APOM: variants seen among roughly 807,000 people sequenced by gnomAD.
The protein encoded by APOM is NG20-like protein.
Under a neutral mutation model 23.5 loss-of-function variants are expected in APOM, and 24 were observed. The observed-to-expected ratio is 1.02, with a 90% CI of 0.74 to 1.44. The LOEUF (loss-of-function observed/expected upper bound fraction) is 1.44, where lower values mean the gene tolerates loss of function less well. Ranked by LOEUF, APOM falls within the 40% of genes most tolerant of loss-of-function variation. The pLI is 0.00. For missense variants in APOM, 200 were observed against 233.2 expected, an observed-to-expected ratio of 0.86 and a Z score of 0.93; for synonymous variants, 82 against 84.1, an observed-to-expected ratio of 0.97 and a Z score of 0.14.
chr6:31,657,025 A>G (rs968801571), intron 2 of APOM, among the ~76,000 whole-genome samples, 200 bp from the exon 3 acceptor site: 17 of 152,124 alleles, frequency 1.1e-4, no homozygotes, highest in African/African-American at 3.9e-4. Context: ...GGGCACCTGT[A>G]GTCCCAGCTA....
At chr6:31,657,597 C>T in intron 4 of APOM, 28 bp from the exon 5 acceptor site, 3 of 1,606,814 alleles carry the variant, frequency 1.9e-6, no homozygotes, top group Non-Finnish European at 2.6e-6. Context: ...GGGGTTTTGA[C>T]TGGCCTGACC....
chr6:31,657,727 A>T lies in APOM; in HGVS notation c.541+4A>T. On this transcript the variant is annotated splice_donor_region_variant and intron_variant, in intron 5 of 5. Transcript: ENST00000375916. ...TTATTGACTCCTAGGAATCAAGGTAAGGGGTTAAAATCTCATAAAACAGGA... is the reference window on the plus strand; with the variant it reads ...TTATTGACTCCTAGGAATCAAGGTATGGGGTTAAAATCTCATAAAACAGGA... 6.2e-7 allele frequency: 1 copy of T among 1,608,876 alleles called. No individual in the cohort carries two copies. The highest frequency in any genetic ancestry group is 1.1e-5 in the South Asian group (1 of 90,992).
At chr6:31,655,115 A>AC (rs998173296), upstream of APOM, among the ~76,000 whole-genome samples, 1 of 152,160 alleles carries the variant, frequency 6.6e-6, no homozygotes, top group African/African-American at 2.4e-5. Flanking sequence ...TAATTTTTGT[A>AC]TTTTTTGTAG....
chr6:31,656,979 T>C (rs1178810836), intron 2 of APOM, among the ~76,000 whole-genome samples: 1 of 152,024 alleles, frequency 6.6e-6, no homozygotes, highest in Non-Finnish European at 1.5e-5. Context: ...ACCCCGTCTC[T>C]ACTAAAAATA....
At chr6:31,658,037 C>T in intron 5 of APOM, 27 bp from the exon 6 acceptor site, 1 of 1,613,974 alleles carries the variant, frequency 6.2e-7, no homozygotes. Flanking sequence ...TCCCTTCTGT[C>T]CTTCTTTTTC....
chr6:31,656,184 G>T, intron 1 of APOM, 104 bp downstream of exon 1: 2 of 931,194 alleles, frequency 2.1e-6, no homozygotes, highest in South Asian at 3.0e-5. Flanking sequence ...GAGAGGAAGG[G>T]GGTGTGAGTG....
Position 31,656,020 on chromosome 6 carries a change from C to T in APOM, c.54C>T (p.Asn18=). 2 of 1,598,182 alleles carry T rather than the reference C, an allele frequency of 1.3e-6. No homozygotes were observed. The highest frequency in any genetic ancestry group is 1.3e-5 in the African/African-American group (1 of 74,858). Reference sequence around the variant, plus strand: ...TCTACTTCTATGGTATTATCCTTAACTCCATCTACCAGTGCCCTGAGCACA... The same window carrying T: ...TCTACTTCTATGGTATTATCCTTAATTCCATCTACCAGTGCCCTGAGCACA... ...ALLYFYGIIL[N]SIYQCPEHSQ... The change falls in exon 1 of 6, where the codon AAC becomes AAT. Residue 18 remains asparagine, a synonymous_variant. Transcript: ENST00000375916.
intron 5 of APOM, 24 bp from the exon 6 acceptor site, chr6:31,658,040 T>C: frequency 3.1e-6 from 5 of 1,614,056 alleles, no homozygotes; most frequent in East Asian, 2.2e-5. Flanking sequence ...CTTCTGTCCT[T>C]CTTTTTCCCT....
upstream of APOM, chr6:31,652,459 AT>A (rs1402738980): frequency 6.6e-6 from 1 of 151,424 alleles, no homozygotes; most frequent in East Asian, 1.9e-4. Context: ...CCCCGATAGT[AT>A]TTGGGGATCT....
intron 1 of APOM, 67 bp from the exon 2 acceptor site, chr6:31,656,405 G>T: frequency 6.5e-7 from 1 of 1,531,562 alleles, no homozygotes; most frequent in Non-Finnish European, 8.9e-7. Flanking sequence ...TGTTTTGACT[G>T]ATGAAGAGGT....
At chr6:31,657,598 T>A in intron 4 of APOM, 27 bp from the exon 5 acceptor site, 2 of 1,606,966 alleles carry the variant, frequency 1.2e-6, no homozygotes, top group Non-Finnish European at 1.7e-6. Flanking sequence ...GGGTTTTGAC[T>A]GGCCTGACCC....
At chr6:31,657,526 G>C (rs1266558303) in intron 4 of APOM, 48 bp downstream of exon 4, 1 of 1,604,940 alleles carries the variant, frequency 6.2e-7, no homozygotes, top group Non-Finnish European at 8.5e-7. Context: ...ACAAGGGAGG[G>C]CAGGAGAACT....
chr6:31,653,179 T>C (rs930474151), upstream of APOM, among the ~76,000 whole-genome samples: 2 of 152,188 alleles, frequency 1.3e-5, no homozygotes, highest in Non-Finnish European at 2.9e-5. Flanking sequence ...GTTGCACGAC[T>C]TGTCAAGAAA....
rs748212498 is a variant in APOM, at chr6:31,656,036, C to A, written c.70C>A (p.Pro24Thr). ...TATCCTTAACTCCATCTACCAGTGCCCTGAGCACAGTCAACTGACAACTCT... is the reference window on the plus strand; with the variant it reads ...TATCCTTAACTCCATCTACCAGTGCACTGAGCACAGTCAACTGACAACTCT... ...GIILNSIYQC[P>T]EHSQLTTLGV... The change falls in exon 1 of 6, where the codon CCT becomes ACT. Residue 24 changes from proline (P) to threonine (T), a missense_variant. Pro to Thr is a conservative substitution (Grantham distance 38). Transcript: ENST00000375916. 3 of 1,589,776 alleles carry A rather than the reference C, an allele frequency of 1.9e-6. No homozygotes were observed. The highest frequency in any genetic ancestry group is 1.8e-5 in the Admixed American group (1 of 56,366).
chr6:31,657,616 C>G lies in APOM; in HGVS notation c.443-9C>G. The stretch of plus-strand genomic sequence containing the variant: ...TTTTGACTGGCCTGACCCCACCTTG[C>G]CCTTCCAGATCGCTCACCACATCCT... On this transcript the variant is annotated splice_polypyrimidine_tract_variant and intron_variant, in intron 4 of 5. Coordinates refer to ENST00000375916, the MANE Select transcript of APOM (RefSeq NM_019101.3). 1.2e-6 allele frequency: 2 copies of G among 1,612,002 alleles called. No homozygotes were observed. The highest frequency in any genetic ancestry group is 1.7e-6 in the Non-Finnish European group (2 of 1,179,168).
chr6:31,653,687 A>G (rs1799367091), upstream of APOM, among the ~76,000 whole-genome samples: 3 of 152,074 alleles, frequency 2.0e-5, no homozygotes, highest in Admixed American at 2.0e-4. Flanking sequence ...TTAACATTTT[A>G]GCTTATTTTT....
upstream of APOM, among the ~76,000 whole-genome samples, chr6:31,654,755 G>A (rs1264769628): frequency 6.6e-6 from 1 of 152,174 alleles, no homozygotes; most frequent in Non-Finnish European, 1.5e-5. Flanking sequence ...CCTATTATTT[G>A]AGAACTTATT....
At chr6:31,657,050 G>A (rs982686331) in intron 2 of APOM, among the ~76,000 whole-genome samples, 175 bp from the exon 3 acceptor site, 1 of 152,010 alleles carries the variant, frequency 6.6e-6, no homozygotes, top group Admixed American at 6.6e-5. Flanking sequence ...CGAGGTTGAG[G>A]CAGGAGAATG....
chr6:31,654,170 G>A (rs537524548), upstream of APOM, among the ~76,000 whole-genome samples: 11 of 151,114 alleles, frequency 7.3e-5, no homozygotes, highest in East Asian at 1.9e-4. Flanking sequence ...CTTTGAACCC[G>A]GGAGGTGGAG....
Sources: gnomAD v4.1 joint callset for allele counts (sites outside exome capture counted in the v4.1 genomes callset) on GRCh38, gnomAD v4.1.1 for gene constraint, MANE v1.5 for transcripts, NCBI Gene and HGNC (gene_info 2026-07-23, HGNC 2026-07-21) for gene names.